The following C4orf50 variants were observed in gnomAD, a reference collection of about 807,000 sequenced individuals.
C4orf50 encodes uncharacterized protein C4orf50.
In C4orf50, 80 loss-of-function variants were observed where a neutral mutation model predicts 77.2. The observed-to-expected ratio is 1.04, with a 90% CI of 0.87 to 1.25. The LOEUF is 1.25. Ranked by LOEUF, C4orf50 falls within the 50% of genes most tolerant of loss-of-function variation. The pLI is 0.00. For synonymous variants in C4orf50, 532 were observed against 465.3 expected (o/e 1.14, Z -1.84); for missense variants, 1,257 against 1,152.9 (o/e 1.09, Z -1.31).
chr4:5,973,512 G>A (rs1336417577), intron 31 of C4orf50, 147 bp downstream of exon 9: 1 of 708,582 alleles, frequency 1.4e-6, no homozygotes, highest in Non-Finnish European at 2.4e-6. Context: ...TGGGCACAGA[G>A]GAAAAGCCAG....
intron 7 of C4orf50, among the ~76,000 whole-genome samples, chr4:5,910,903 CTTTCTTTTT>C (rs1215905287): frequency 5.3e-5 from 4 of 75,638 alleles, no homozygotes; most frequent in Admixed American, 3.6e-4. Context: ...TCTTCCCTTT[CTTTCTTTTT>C]TTTTTTTTTT....
At chr4:5,996,178 C>T (rs1157009232) in intron 25 of C4orf50, among the ~76,000 whole-genome samples, 8 of 152,190 alleles carry the variant, frequency 5.3e-5, no homozygotes, top group Non-Finnish European at 7.3e-5. Context: ...CCAGCGCGTC[C>T]GTGCTCTCCC....
At chr4:5,940,430 T>C (rs1016024372) in intron 7 of C4orf50, among the ~76,000 whole-genome samples, 2 of 152,200 alleles carry the variant, frequency 1.3e-5, no homozygotes, top group African/African-American at 4.8e-5. Context: ...TCCCACCATA[T>C]CAGATGCCTT....
chr4:6,003,084 C>T (rs1199018375), intron 25 of C4orf50, among the ~76,000 whole-genome samples: 1 of 152,214 alleles, frequency 6.6e-6, no homozygotes, highest in African/African-American at 2.4e-5. Flanking sequence ...AGGCTCTCAG[C>T]TCCTTGGCCC....
At chr4:5,902,672 T>A (rs1279274834) in intron 7 of C4orf50, 3 of 152,002 alleles carry the variant, frequency 2.0e-5, no homozygotes, top group Non-Finnish European at 4.4e-5. Context: ...AGAAAACAGA[T>A]CCCCAGACGC....
exon 28 of C4orf50, chr4:5,989,465 A>C: frequency 6.5e-7 from 1 of 1,535,808 alleles, no homozygotes; most frequent in Non-Finnish European, 8.7e-7. Flanking sequence ...CAAATACCCC[A>C]ATTTCCCCAA....
At chr4:5,969,204 C>T (rs761766076) in intron 31 of C4orf50, among the ~76,000 whole-genome samples, 2 of 152,060 alleles carry the variant, frequency 1.3e-5, no homozygotes, top group Non-Finnish European at 2.9e-5. Flanking sequence ...CTGCCTCTCT[C>T]CCCACGAAAA....
At chr4:5,953,312 T>C (rs1718809256), downstream of C4orf50, among the ~76,000 whole-genome samples, 1 of 152,178 alleles carries the variant, frequency 6.6e-6, no homozygotes, top group South Asian at 2.1e-4. Context: ...GGCTGGTTTC[T>C]TACACAGTAA....
At chr4:5,914,220 T>C in intron 7 of C4orf50, among the ~76,000 whole-genome samples, 1 of 147,274 alleles carries the variant, frequency 6.8e-6, no homozygotes, top group Admixed American at 6.7e-5. Flanking sequence ...TTTTTTTTTT[T>C]TTTTTTTGGA....
intron 24 of C4orf50, among the ~76,000 whole-genome samples, chr4:6,010,927 G>C (rs1722470053): frequency 6.6e-6 from 1 of 152,244 alleles, no homozygotes; most frequent in Admixed American, 6.5e-5. Context: ...AATCTGAGGG[G>C]ATTGGTACTA....
At chr4:5,991,866 T>A (rs891160761) in intron 27 of C4orf50, among the ~76,000 whole-genome samples, 1 of 152,194 alleles carries the variant, frequency 6.6e-6, no homozygotes, top group African/African-American at 2.4e-5. Flanking sequence ...ACCGCATCCC[T>A]GCTCCCTGGA....
intron 7 of C4orf50, among the ~76,000 whole-genome samples, chr4:5,926,247 A>G (rs1717506184): frequency 6.6e-6 from 1 of 152,242 alleles, no homozygotes; most frequent in Non-Finnish European, 1.5e-5. Context: ...GGGGAACATT[A>G]TTTAGCCACG....
At chr4:5,926,570 C>A (rs946655727) in intron 7 of C4orf50, among the ~76,000 whole-genome samples, 3 of 152,056 alleles carry the variant, frequency 2.0e-5, no homozygotes, top group Non-Finnish European at 2.9e-5. Context: ...ACAAATTGTG[C>A]ACTTTAACGT....
chr4:5,988,840 T>C (rs1721048040), exon 28 of C4orf50: 3 of 1,535,944 alleles, frequency 2.0e-6, no homozygotes, highest in South Asian at 2.4e-5. Context: ...CTTTATCAGC[T>C]CTTTATAACT....
Position 6,007,509 on chromosome 4 carries a change from C to G in C4orf50, c.963+487G>C, listed in dbSNP as rs1722293523. ...GGTGCCTTGATCTTGGACCTCCAGCCTCCAAAAGTGTGAAAAATAAGTTTC... is the reference window on the plus strand; with the variant it reads ...GGTGCCTTGATCTTGGACCTCCAGCGTCCAAAAGTGTGAAAAATAAGTTTC... On this transcript the variant is annotated intron_variant, in intron 25 of 33. Coordinates refer to ENST00000531445, the Ensembl canonical transcript of C4orf50. The surrounding 1 kb of genome is among the most constrained non-coding windows in gnomAD (Gnocchi z 4.1). Among the ~76,000 whole-genome samples the G allele has an allele frequency of 6.6e-6, 1 of 152,140 alleles. No individual in the cohort carries two copies. The highest frequency in any genetic ancestry group is 2.1e-4 in the South Asian group (1 of 4,822).
At position 5,906,407 on chromosome 4, in the gene C4orf50, G is replaced by C. The variant is rs112761142; in HGVS notation, c.*2475-8219C>G. On this transcript the variant is annotated intron_variant, in intron 7 of 7. Coordinates refer to the C4orf50 transcript ENST00000324058. ...AAACAGGTTGGGCAGAAGCCAAGAA[G>C]TATGGGAGAATACAGGCTGGGAGGG... 4.2e-3 allele frequency among the ~76,000 whole-genome samples: 638 copies of C among 152,310 alleles called. 5 individuals are homozygous for C. Among genetic ancestry groups the C allele is most frequent in the African/African-American group, 0.014 (577 of 41,576 alleles).
At chr4:5,962,365 A>G (rs1184085239) in intron 33 of C4orf50, among the ~76,000 whole-genome samples, 3 of 152,248 alleles carry the variant, frequency 2.0e-5, no homozygotes, top group Non-Finnish European at 4.4e-5. Flanking sequence ...AGAAAGCTGA[A>G]GAACACCTGA....
rs1578006355 is a variant in C4orf50, at chr4:6,017,498, T to C, written c.287+647A>G. On this transcript the variant is annotated intron_variant, in intron 23 of 33. Transcript: ENST00000531445. The surrounding 1 kb of genome is among the most constrained non-coding windows in gnomAD (Gnocchi z 4.7). Reference sequence around the variant, plus strand: ...CCTCCAAGATGTGGAGTTGATATAGTTCTGTTTACGTAGAAACACCTATTC... The same window carrying C: ...CCTCCAAGATGTGGAGTTGATATAGCTCTGTTTACGTAGAAACACCTATTC... Among the ~76,000 whole-genome samples, 1 of 152,228 alleles carries C rather than the reference T, an allele frequency of 6.6e-6. No homozygotes were observed. Among genetic ancestry groups the C allele is most frequent in the East Asian group, 1.9e-4 (1 of 5,190 alleles).
chr4:5,988,907 C>T (rs1721073672), exon 28 of C4orf50: 1 of 1,535,872 alleles, frequency 6.5e-7, no homozygotes, highest in Non-Finnish European at 8.7e-7. Flanking sequence ...GTGACTTGCT[C>T]CATCGTGTCT....
Sources: gnomAD v4.1 joint callset for allele counts (sites outside exome capture counted in the v4.1 genomes callset) on GRCh38, gnomAD v4.1.1 for gene constraint, Gnocchi (gnomAD v3.1) non-coding constraint, MANE v1.5 for transcripts, NCBI Gene and HGNC (gene_info 2026-07-23, HGNC 2026-07-21) for gene names.